The following UHMK1 variants were observed in gnomAD, a reference collection of about 807,000 sequenced individuals.
UHMK1 encodes U2AF homology motif kinase 1.
A neutral mutation model predicts 44.0 loss-of-function variants in UHMK1; 18 were observed. The observed-to-expected ratio is 0.41, with a 90% confidence interval of 0.28 to 0.61. The LOEUF (loss-of-function observed/expected upper bound fraction) is 0.61. UHMK1 is among the 20% of genes least tolerant of loss of function. The probability of loss-of-function intolerance (pLI) is 0.31; values close to 1 mark genes in which losing one functional copy is unlikely to be tolerated. For missense variants in UHMK1, 463 were observed against 522.5 expected (o/e 0.89, Z 1.11); for synonymous variants, 231 against 198.5 (o/e 1.16, Z -1.38).
chr1:162,505,566 A>C (rs1309402414), intron 4 of UHMK1, among the ~76,000 whole-genome samples: 1 of 152,232 alleles, frequency 6.6e-6, no homozygotes, highest in Admixed American at 6.5e-5. Context: ...GCGATAGGAC[A>C]TTATGATAGC....
rs772198726 is a variant in UHMK1, at chr1:162,498,171, G to T, written c.171G>T (p.Leu57Phe). ...GSPPGALKQFLPPGTTGAAAS... is the reference protein window; with the variant it reads ...GSPPGALKQFFPPGTTGAAAS... ...CCCCCGGCGCCCTCAAGCAGTTCTT[G>T]CCGCCAGGAACCACCGGGGCTGCGG... The change falls in exon 1 of 8, where the codon TTG becomes TTT. Residue 57 changes from leucine to phenylalanine, a missense_variant. Leu to Phe is a conservative substitution (Grantham distance 22). Transcript: ENST00000489294. 50 of 1,613,024 alleles carry T rather than the reference G, an allele frequency of 3.1e-5. No individual in the cohort carries two copies. In the Admixed American group the frequency reaches 6.8e-4, roughly 22 times the overall value.
intron 1 of UHMK1, among the ~76,000 whole-genome samples, chr1:162,499,116 T>C (rs1651173653): frequency 6.6e-6 from 1 of 152,154 alleles, no homozygotes; most frequent in South Asian, 2.1e-4. Context: ...GATTAAAATT[T>C]CATCCGAAAA....
intron 1 of UHMK1, among the ~76,000 whole-genome samples, chr1:162,498,875 C>A (rs1277672076): frequency 6.6e-6 from 1 of 152,172 alleles, no homozygotes; most frequent in Non-Finnish European, 1.5e-5. Flanking sequence ...TTTCATTACA[C>A]GACAGAAAGC....
At chr1:162,501,728 C>G (rs1042621485) in intron 3 of UHMK1, among the ~76,000 whole-genome samples, 2 of 152,050 alleles carry the variant, frequency 1.3e-5, no homozygotes, top group Non-Finnish European at 2.9e-5. Flanking sequence ...TAAAGTGTTA[C>G]TAATACAACC....
At chr1:162,503,689 A>G (rs901949331) in intron 3 of UHMK1, 65 bp from the exon 4 acceptor site, 18 of 1,098,378 alleles carry the variant, frequency 1.6e-5, no homozygotes, top group Middle Eastern at 2.0e-4. Context: ...AAATAGTGCT[A>G]TATGCCTAGT....
At chr1:162,512,927 T>G in intron 6 of UHMK1, 104 bp downstream of exon 6, 2 of 1,112,472 alleles carry the variant, frequency 1.8e-6, no homozygotes, top group Non-Finnish European at 2.6e-6. Flanking sequence ...AATGAGAATA[T>G]TGAACAATAT....
intron 2 of UHMK1, chr1:162,500,470 T>C (rs1466195632): frequency 1.8e-6 from 1 of 540,800 alleles, no homozygotes; most frequent in South Asian, 2.6e-5. Flanking sequence ...GCATGAGAGC[T>C]CTGGAATTAT....
chr1:162,524,851 T>C lies in UHMK1; in HGVS notation c.*2301T>C, dbSNP rs1055549249. On this transcript the variant is annotated 3_prime_UTR_variant, in exon 8 of 8. Transcript: ENST00000489294. ...GATTTTAAGGGAGCTGAGGGAATAA[T>C]TGATGAGCCTTGAATTAACCATGCA... 4.6e-5 allele frequency: 7 copies of C among 152,222 alleles called. No individual in the cohort carries two copies. The highest frequency in any genetic ancestry group is 1.4e-4 in the African/African-American group (6 of 41,446). 9.4% of individuals were successfully genotyped at this position (152,222 alleles called of 1,614,324 possible). A position where few individuals can be genotyped will look rare whatever the true frequency, so the allele number is the denominator to read the frequency against.
intron 4 of UHMK1, among the ~76,000 whole-genome samples, chr1:162,511,600 T>C (rs1557943908): frequency 6.6e-6 from 1 of 152,212 alleles, no homozygotes. Context: ...GATTTTAGTT[T>C]GATATAATCC....
Position 162,526,208 on chromosome 1 carries a change from T to C in UHMK1, c.*3658T>C, listed in dbSNP as rs1380817005. On this transcript the variant is annotated 3_prime_UTR_variant, in exon 8 of 8. Coordinates refer to ENST00000489294, the MANE Select transcript of UHMK1 (RefSeq NM_175866.5). ...CATTTGGGTATCTTTTTGTTTTAGG[T>C]CTTATTTTCTGACTGTTAGGCCTAT... 6.6e-6 allele frequency: 1 copy of C among 152,120 alleles called. No individual in the cohort carries two copies. Among genetic ancestry groups the C allele is most frequent in the Non-Finnish European group, 1.5e-5 (1 of 67,986 alleles). 9.4% of individuals were successfully genotyped at this position (152,120 alleles called of 1,614,324 possible). A position where few individuals can be genotyped will look rare whatever the true frequency, so the allele number is the denominator to read the frequency against.
chr1:162,503,949 A>G, intron 4 of UHMK1, 101 bp downstream of exon 4: 1 of 851,816 alleles, frequency 1.2e-6, no homozygotes, highest in Non-Finnish European at 1.8e-6. Flanking sequence ...TTTCTATGTA[A>G]GGAACATAAG....
intron 4 of UHMK1, among the ~76,000 whole-genome samples, chr1:162,504,599 TA>T (rs984156704): frequency 2.6e-5 from 4 of 152,106 alleles, no homozygotes; most frequent in African/African-American, 9.7e-5. Flanking sequence ...TATAAAAGAT[TA>T]AAAATGGTAT....
chr1:162,506,816 A>G (rs776939538), intron 4 of UHMK1, among the ~76,000 whole-genome samples: 14 of 152,016 alleles, frequency 9.2e-5, no homozygotes, highest in Non-Finnish European at 1.9e-4. Context: ...GTGAGCTAAG[A>G]TCGTGCCACT....
chr1:162,497,733 C>CG (rs1459732578), upstream of UHMK1: 1 of 1,156,272 alleles, frequency 8.6e-7, no homozygotes, highest in African/African-American at 1.6e-5. Flanking sequence ...AAACCTAGCG[C>CG]GTCTAATCTC....
chr1:162,504,085 C>T (rs939853143), intron 4 of UHMK1, among the ~76,000 whole-genome samples: 2 of 152,156 alleles, frequency 1.3e-5, no homozygotes, highest in African/African-American at 4.8e-5. Context: ...TTTGGCCACT[C>T]ATAGCCCTGG....
Position 162,512,747 on chromosome 1 carries a change from C to A in UHMK1, c.948C>A (p.Val316=). Residue 316 remains valine (V), a synonymous_variant, in exon 6 of 8, where the codon GTC becomes GTA. Transcript: ENST00000489294. The part of the protein sequence containing the change: ...IPFAPHIEDL[V]MLPTPVLRLL... ...CAGCCCCTCATATTGAAGATCTGGT[C>A]ATGCTTCCCACTCCAGTGCTAAGAC... 1 of 1,614,002 alleles carries A rather than the reference C, an allele frequency of 6.2e-7. No individual in the cohort carries two copies. Among genetic ancestry groups the A allele is most frequent in the South Asian group, 1.1e-5 (1 of 91,024 alleles).
intron 4 of UHMK1, among the ~76,000 whole-genome samples, chr1:162,510,950 TTA>T (rs2101677995): frequency 6.6e-6 from 1 of 152,158 alleles, no homozygotes; most frequent in East Asian, 1.9e-4. Flanking sequence ...TCCCTTTTCT[TTA>T]TGTCTTTTGT....
rs16862867 is a variant in UHMK1 at position 162,500,825 on chromosome 1, G to T, written c.562-88G>T. On this transcript the variant is annotated intron_variant, in intron 2 of 7. Transcript: ENST00000489294. ...CATTTAGCTTGGCAGTGGGTTTACT[G>T]CACTCTTAGGGAAGTAAATTCACTG... The T allele has an allele frequency of 4.5e-3, 5,747 of 1,291,334 alleles. 153 individuals are homozygous for T. The African/African-American group carries it at 0.063, about 14-fold the overall frequency. 80.0% of individuals were successfully genotyped at this position (1,291,334 alleles called of 1,614,324 possible).
At chr1:162,516,403 T>A (rs6427676) in intron 6 of UHMK1, among the ~76,000 whole-genome samples, 69,601 of 151,732 alleles carry the variant, frequency 0.46, 15,991 homozygotes, top group African/African-American at 0.47. Context: ...AAATCAAGTA[T>A]AGATTAAAAT....
Sources: allele counts gnomAD v4.1 joint callset (sites outside exome capture counted in the v4.1 genomes callset), GRCh38; gene constraint gnomAD v4.1.1; transcripts MANE v1.5; gene names NCBI Gene and HGNC (gene_info 2026-07-23, HGNC 2026-07-21).